The following DST variants were observed in gnomAD, a reference collection of about 807,000 sequenced individuals.
DST encodes bullous pemphigoid antigen.
DST carries 253 observed loss-of-function variants against 875.2 expected under a neutral mutation model. That is an observed-to-expected ratio of 0.29 (90% CI 0.26 to 0.32). The LOEUF (loss-of-function observed/expected upper bound fraction) is 0.32. Ranked by LOEUF, DST falls within the 10% of genes least tolerant of loss-of-function variation. The pLI is 1.00. For synonymous variants in DST, 3,124 were observed against 3,197.1 expected (o/e 0.98, Z 0.77); for missense variants, 8,287 against 9,111.6 (o/e 0.91, Z 3.68).
intron 9 of DST, among the ~76,000 whole-genome samples, chr6:56,684,703 A>T (rs907023637): frequency 6.6e-6 from 1 of 152,220 alleles, no homozygotes; most frequent in Non-Finnish European, 1.5e-5. Context: ...CTTCTGTTTC[A>T]GCAGCCACAG....
At chr6:56,507,658 G>A (rs2096363716) in intron 75 of DST, among the ~76,000 whole-genome samples, 1 of 152,216 alleles carries the variant, frequency 6.6e-6, no homozygotes, top group South Asian at 2.1e-4. Context: ...ACGCTAGAAA[G>A]AGCAAAACAG....
Position 56,470,241 on chromosome 6 carries a change from T to C in DST, c.22363A>G (p.Ile7455Val), listed in dbSNP as rs779438104. 6.2e-6 allele frequency: 10 copies of C among 1,611,020 alleles called. No individual in the cohort carries two copies. The highest frequency in any genetic ancestry group is 8.5e-6 in the Non-Finnish European group (10 of 1,178,502). ...TATCCATCGCCATCTCTGTCAAAGA[T>C]GTCTGCAACTGCGCTCATCTCCAAG... is the stretch of plus-strand genomic sequence containing the variant. ...SRLEMSAVADIFDRDGDGYID... is the reference protein window; with the variant it reads ...SRLEMSAVADVFDRDGDGYID... The change falls in exon 96 of 104, where the codon ATC (isoleucine) becomes GTC (valine). Residue 7455 changes from isoleucine to valine, a missense_variant. Transcript: ENST00000680361.
chr6:56,796,411 AATGGAGAGT>A (rs1183241315), intron 4 of DST, among the ~76,000 whole-genome samples: 1 of 152,210 alleles, frequency 6.6e-6, no homozygotes. Flanking sequence ...GAAGACAGAG[AATGGAGAGT>A]ATGACCTGTC....
At chr6:56,574,442 C>A (rs1490521001) in intron 50 of DST, among the ~76,000 whole-genome samples, 2 of 152,120 alleles carry the variant, frequency 1.3e-5, no homozygotes, top group Non-Finnish European at 2.9e-5. Context: ...GCAAATCACT[C>A]AAATGCACAG....
intron 9 of DST, among the ~76,000 whole-genome samples, chr6:56,679,599 TAAA>T (rs1165137050): frequency 7.2e-5 from 8 of 111,846 alleles, no homozygotes; most frequent in Non-Finnish European, 5.6e-5. Context: ...TATGTCTCAT[TAAA>T]AAAAAAAAAA....
Position 56,606,169 on chromosome 6 carries a change from C to A in DST, c.8459G>T (p.Arg2820Ile). 6.3e-7 allele frequency: 1 copy of A among 1,599,314 alleles called. No homozygotes were observed. Among genetic ancestry groups the A allele is most frequent in the Non-Finnish European group, 8.5e-7 (1 of 1,171,194 alleles). The change falls in exon 40 of 104, where the codon AGA becomes ATA. Residue 2820 changes from arginine (R) to isoleucine (I), a missense_variant. Around this residue, in one of 10 missense-constraint regions of DST, gnomAD observed 3,138 missense variants for 3,116.6 expected, o/e 1.01. Transcript: ENST00000680361. ...DGIDEEGGGI[R>I]DENGKPRCQN... is the part of the protein sequence containing the mutation. Reference sequence around the variant, plus strand: ...GCACCTGGGCTTTCCATTCTCATCTCTTATACCTCCTCCTTCTTCATCAAT... The same window carrying A: ...GCACCTGGGCTTTCCATTCTCATCTATTATACCTCCTCCTTCTTCATCAAT...
At chr6:56,862,038 GC>G (rs922479104) in intron 3 of DST, 1 of 152,184 alleles carries the variant, frequency 6.6e-6, no homozygotes, top group Non-Finnish European at 1.5e-5. Context: ...TTAGGAGGGG[GC>G]CCCTGATGAA....
chr6:56,640,701 T>C, intron 17 of DST, 96 bp from the exon 18 acceptor site: 5 of 980,954 alleles, frequency 5.1e-6, no homozygotes, highest in Non-Finnish European at 8.0e-6. Flanking sequence ...TTAATAATGA[T>C]GTATCAATGT....
intron 4 of DST, among the ~76,000 whole-genome samples, chr6:56,781,443 T>G (rs1564145450): frequency 2.0e-5 from 3 of 152,204 alleles, no homozygotes; most frequent in Non-Finnish European, 2.9e-5. Context: ...TTCACGTCCC[T>G]TGTAAGTTGG....
At chr6:56,652,334 G>A (rs1241869203) in intron 10 of DST, among the ~76,000 whole-genome samples, 2 of 152,134 alleles carry the variant, frequency 1.3e-5, no homozygotes, top group Admixed American at 6.5e-5. Context: ...ACAAAGCATT[G>A]AAAGACTACC....
chr6:56,762,976 G>C (rs945783721), intron 4 of DST, among the ~76,000 whole-genome samples: 1 of 150,202 alleles, frequency 6.7e-6, no homozygotes, highest in Admixed American at 6.7e-5. Flanking sequence ...TCAGCTTCCC[G>C]AGTAGCTGGG....
intron 4 of DST, among the ~76,000 whole-genome samples, chr6:56,796,332 C>T (rs1018229250): frequency 5.3e-5 from 8 of 152,186 alleles, no homozygotes; most frequent in Non-Finnish European, 1.2e-4. Flanking sequence ...CTGTGAATAG[C>T]ATTTACTAAA....
chr6:56,464,775 G>T lies in DST; in HGVS notation c.22688-19C>A, dbSNP rs2094500838. ...TGATGAACTAGAAAAAATGACACAG[G>T]ATACCAATCACATTAAAGAATACTG... is the stretch of plus-strand genomic sequence containing the variant. On this transcript the variant is annotated intron_variant, in intron 99 of 103. Coordinates refer to ENST00000680361, the MANE Select transcript of DST (RefSeq NM_001374736.1). 1 of 1,554,492 alleles carries T rather than the reference G, an allele frequency of 6.4e-7. No homozygotes were observed. Among genetic ancestry groups the T allele is most frequent in the Non-Finnish European group, 8.8e-7 (1 of 1,138,060 alleles).
chr6:56,486,929 TGAACAGCAAA>T (rs2095590524), intron 87 of DST, among the ~76,000 whole-genome samples, 165 bp downstream of exon 87: 1 of 152,064 alleles, frequency 6.6e-6, no homozygotes, highest in African/African-American at 2.4e-5. Context: ...TAAAAATTAA[TGAACAGCAAA>T]GACTTCTCAA....
chr6:56,505,080 C>A (rs947661971), intron 77 of DST, among the ~76,000 whole-genome samples: 9 of 152,178 alleles, frequency 5.9e-5, no homozygotes, highest in African/African-American at 2.2e-4. Context: ...CCAACCCTGA[C>A]TAAGTACTTA....
intron 43 of DST, 45 bp from the exon 44 acceptor site, chr6:56,601,721 G>T: frequency 1.8e-6 from 2 of 1,140,324 alleles, no homozygotes; most frequent in Non-Finnish European, 2.5e-6. Flanking sequence ...GTTAAGCCAT[G>T]ATAAAATTTA....
At chr6:56,769,147 A>G (rs1447397046) in intron 4 of DST, among the ~76,000 whole-genome samples, 2 of 152,228 alleles carry the variant, frequency 1.3e-5, no homozygotes, top group African/African-American at 4.8e-5. Context: ...ATCTGAACAG[A>G]CAGTTTACTA....
intron 90 of DST, among the ~76,000 whole-genome samples, chr6:56,481,622 T>G (rs553868772): frequency 6.6e-6 from 1 of 152,372 alleles, no homozygotes; most frequent in East Asian, 1.9e-4. Flanking sequence ...AAATTACCTG[T>G]GTGTCTTGTT....
At chr6:56,570,673 A>G (rs2097766157) in intron 53 of DST, among the ~76,000 whole-genome samples, 1 of 152,164 alleles carries the variant, frequency 6.6e-6, no homozygotes, top group South Asian at 2.1e-4. Flanking sequence ...CTCAGGGGTT[A>G]GGGGACCCCT....
Sources: allele counts gnomAD v4.1 joint callset (sites outside exome capture counted in the v4.1 genomes callset), GRCh38; gene constraint gnomAD v4.1.1; regional missense constraint gnomAD v4.1.1; transcripts MANE v1.5; gene names NCBI Gene and HGNC (gene_info 2026-07-23, HGNC 2026-07-21).